The following FCHO2 variants were observed in gnomAD, a reference collection of about 807,000 sequenced individuals.
FCHO2 encodes the protein FCH and mu domain containing endocytic adaptor 2, also known as F-BAR domain only protein 2.
Under a neutral mutation model 114.1 loss-of-function variants are expected in FCHO2, and 43 were observed. The observed-to-expected ratio is 0.38, with a 90% CI of 0.30 to 0.49. The LOEUF (loss-of-function observed/expected upper bound fraction) is 0.49, where lower values mean the gene tolerates loss of function less well. Ranked by LOEUF, FCHO2 falls within the 20% of genes least tolerant of loss-of-function variation. FCHO2 has a pLI of 0.97. For synonymous variants in FCHO2, 293 were observed against 315.2 expected (o/e 0.93, Z 0.75); for missense variants, 807 against 950.4 (o/e 0.85, Z 1.98).
intron 25 of FCHO2, 61 bp from the exon 26 acceptor site, chr5:73,088,007 G>A (rs1314148917): frequency 1.9e-6 from 3 of 1,602,662 alleles, no homozygotes; most frequent in Non-Finnish European, 2.6e-6. Flanking sequence ...AACCACAGTG[G>A]AAAATGTCCT....
At chr5:72,972,580 A>C (rs1186307277) in intron 2 of FCHO2, among the ~76,000 whole-genome samples, 1 of 152,204 alleles carries the variant, frequency 6.6e-6, no homozygotes, top group Non-Finnish European at 1.5e-5. Context: ...GAAGTTGCTT[A>C]TCAGCTTGAG....
intron 11 of FCHO2, among the ~76,000 whole-genome samples, chr5:73,050,241 T>C (rs1482215389): frequency 6.6e-6 from 1 of 152,112 alleles, no homozygotes; most frequent in South Asian, 2.1e-4. Context: ...GTCTTAAGTC[T>C]CTCTTGATCT....
chr5:73,045,389 C>A (rs1486361196), intron 11 of FCHO2, among the ~76,000 whole-genome samples: 1 of 152,140 alleles, frequency 6.6e-6, no homozygotes, highest in Non-Finnish European at 1.5e-5. Flanking sequence ...TTCCACTCAG[C>A]ACAGTTCTTT....
chr5:72,960,400 G>A (rs1035525249), intron 1 of FCHO2, among the ~76,000 whole-genome samples: 8 of 152,134 alleles, frequency 5.3e-5, no homozygotes, highest in African/African-American at 1.2e-4. Flanking sequence ...TGATAATCAA[G>A]CTGAAATTGG....
intron 16 of FCHO2, 86 bp downstream of exon 16, chr5:73,056,193 A>G: frequency 1.9e-6 from 2 of 1,046,104 alleles, no homozygotes; most frequent in Middle Eastern, 4.4e-4. Flanking sequence ...AATGGAAAGC[A>G]CAGAGATTTC....
intron 11 of FCHO2, among the ~76,000 whole-genome samples, chr5:73,043,492 A>T (rs1756909198): frequency 6.6e-6 from 1 of 152,138 alleles, no homozygotes; most frequent in Non-Finnish European, 1.5e-5. Flanking sequence ...ATGTTTGTAC[A>T]CATGCAGACA....
At chr5:72,994,876 A>T (rs34075852) in intron 5 of FCHO2, among the ~76,000 whole-genome samples, 1 of 152,162 alleles carries the variant, frequency 6.6e-6, no homozygotes, top group Non-Finnish European at 1.5e-5. Flanking sequence ...AAAACCAAAT[A>T]TTGCATGTTC....
intron 5 of FCHO2, chr5:72,997,545 C>T (rs1754186246): frequency 4.6e-6 from 6 of 1,304,908 alleles, no homozygotes; most frequent in Non-Finnish European, 6.7e-6. Flanking sequence ...CCCAGTGACA[C>T]AACCCTTCTC....
chr5:73,014,582 C>G (rs939039545), intron 6 of FCHO2, among the ~76,000 whole-genome samples: 2 of 151,948 alleles, frequency 1.3e-5, no homozygotes, highest in African/African-American at 4.8e-5. Flanking sequence ...GCCACCGTGC[C>G]CGGTGTATAT....
At chr5:73,083,930 A>G (rs1743209492) in intron 24 of FCHO2, among the ~76,000 whole-genome samples, 1 of 149,802 alleles carries the variant, frequency 6.7e-6, no homozygotes. Flanking sequence ...TGCCTTCTGC[A>G]GTTCTCTAAA....
intron 17 of FCHO2, among the ~76,000 whole-genome samples, chr5:73,061,445 T>G (rs934193787): frequency 6.6e-6 from 1 of 152,106 alleles, no homozygotes; most frequent in African/African-American, 2.4e-5. Context: ...GAATTTTCCT[T>G]TTGCTTGTAG....
chr5:72,970,785 GGTGCGCTGCACC>G (rs1752502397), intron 2 of FCHO2, among the ~76,000 whole-genome samples: 1 of 151,632 alleles, frequency 6.6e-6, no homozygotes, highest in Non-Finnish European at 1.5e-5. Flanking sequence ...GTGCCGTGCT[GGTGCGCTGCACC>G]CACTAACTCG....
intron 19 of FCHO2, among the ~76,000 whole-genome samples, chr5:73,070,693 A>G (rs938993457): frequency 2.0e-5 from 3 of 151,984 alleles, no homozygotes; most frequent in Admixed American, 6.6e-5. Flanking sequence ...CAATAGGACA[A>G]CCAAAAGCAG....
chr5:73,064,821 CTA>C (rs1433840712), intron 18 of FCHO2, among the ~76,000 whole-genome samples: 1 of 151,982 alleles, frequency 6.6e-6, no homozygotes, highest in Non-Finnish European at 1.5e-5. Context: ...CCTCAGTTTT[CTA>C]TGTCACAAAT....
intron 1 of FCHO2, among the ~76,000 whole-genome samples, chr5:72,963,027 A>G (rs1311350308): frequency 1.3e-5 from 2 of 152,218 alleles, no homozygotes; most frequent in Admixed American, 6.5e-5. Flanking sequence ...GATATCTACT[A>G]TATTGATAAA....
At position 73,037,106 on chromosome 5, in the gene FCHO2, G is replaced by A. The variant is rs555176721; in HGVS notation, c.842-37G>A. 1.2e-5 allele frequency: 16 copies of A among 1,375,614 alleles called. No homozygotes were observed. In the South Asian group the frequency reaches 2.2e-4, roughly 19 times the overall value. The allele number at this position is 1,375,614 out of a possible 1,614,324, so 85.2% of individuals were successfully genotyped here. On this transcript the variant is annotated intron_variant, in intron 9 of 25. Coordinates refer to ENST00000430046, the MANE Select transcript of FCHO2 (RefSeq NM_138782.3). ...TAAGTTTAATATGTTTATCAGGAAT[G>A]TTTATGTTTCTGTAACAATATATAT...
intron 8 of FCHO2, among the ~76,000 whole-genome samples, chr5:73,033,668 A>G (rs1035275365): frequency 3.9e-5 from 6 of 152,152 alleles, no homozygotes; most frequent in Admixed American, 1.3e-4. Flanking sequence ...AAAAAAAGCT[A>G]GACTTTCATG....
chr5:73,066,733 A>G (rs975099448), intron 18 of FCHO2, among the ~76,000 whole-genome samples: 1 of 151,936 alleles, frequency 6.6e-6, no homozygotes, highest in Non-Finnish European at 1.5e-5. Flanking sequence ...GTGCAGTACC[A>G]GATCAGTAGC....
intron 5 of FCHO2, among the ~76,000 whole-genome samples, chr5:72,996,302 TTAAA>T (rs1754094984): frequency 6.6e-6 from 1 of 151,162 alleles, no homozygotes; most frequent in South Asian, 2.1e-4. Flanking sequence ...ATACAGTAGT[TTAAA>T]TAAATATTAC....
Sources: allele counts gnomAD v4.1 joint callset (sites outside exome capture counted in the v4.1 genomes callset), GRCh38; gene constraint gnomAD v4.1.1; transcripts MANE v1.5; gene names NCBI Gene and HGNC (gene_info 2026-07-23, HGNC 2026-07-21).